Variants in FLYWCH1 observed in about 807,000 individuals in gnomAD.
The protein encoded by FLYWCH1 is FLYWCH-type zinc finger-containing protein 1.
FLYWCH1 carries 75 observed loss-of-function variants against 66.4 expected under a neutral mutation model. The ratio of observed to expected loss-of-function variants is 1.13; its 90% CI spans 0.94 to 1.37. The LOEUF (loss-of-function observed/expected upper bound fraction) is 1.37, where lower values mean the gene tolerates loss of function less well. FLYWCH1 is among the 40% of genes most tolerant of loss of function. The pLI is 0.00. For missense variants in FLYWCH1, 1,334 were observed against 1,001.8 expected, an observed-to-expected ratio of 1.33 and a Z score of -4.48; for synonymous variants, 595 against 429.9, an observed-to-expected ratio of 1.38 and a Z score of -4.75.
chr16:2,929,571 C>G (rs2070687512), intron 2 of FLYWCH1, 42 bp from the exon 3 acceptor site: 2 of 1,353,014 alleles, frequency 1.5e-6, no homozygotes, highest in South Asian at 2.9e-5. Flanking sequence ...TAGAGTCCCC[C>G]AAGGGCTTCC....
intron 2 of FLYWCH1, among the ~76,000 whole-genome samples, chr16:2,923,533 A>T (rs2070452302): frequency 6.6e-6 from 1 of 152,068 alleles, no homozygotes; most frequent in South Asian, 2.1e-4. Context: ...GGCGTGAGCC[A>T]CAGCGCCCGG....
Position 2,927,038 on chromosome 16 carries a change from A to G in FLYWCH1, c.-73-2575A>G, listed in dbSNP as rs536694241. ...AAACCCAACCGCCATTAGCTTATCA[A>G]TACTGGCTGCCAGCCGAGCTTCAGT... On this transcript the variant is annotated intron_variant, in intron 2 of 9. Coordinates refer to ENST00000253928, the MANE Select transcript of FLYWCH1 (RefSeq NM_001308068.2). 2.0e-4 allele frequency among the ~76,000 whole-genome samples: 30 copies of G among 152,354 alleles called. No individual in the cohort carries two copies. In the East Asian group the frequency reaches 4.6e-3, roughly 23 times the overall value.
chr16:2,936,252 T>A, intron 6 of FLYWCH1: 1 of 377,370 alleles, frequency 2.6e-6, no homozygotes, highest in South Asian at 1.9e-5. Context: ...GGATAAAGCG[T>A]GCCCCATGGT....
chr16:2,932,270 CAAAAA>C lies in FLYWCH1; in HGVS notation c.797-838_797-834del, dbSNP rs71158125. 2.9e-4 allele frequency among the ~76,000 whole-genome samples: 16 copies of C among 55,300 alleles called. No homozygotes were observed. The South Asian group carries it at 3.7e-3, about 13-fold the overall frequency. 36.3% of individuals were successfully genotyped at this position (55,300 alleles called of 152,430 possible). Reference sequence around the variant, plus strand: ...TGGGCGACGTGGCAGGACCCTGTCTCAAAAAAAAAAAAAAAAAAAAAAAAAAGATG... The same window carrying C: ...TGGGCGACGTGGCAGGACCCTGTCTCAAAAAAAAAAAAAAAAAAAAAGATG... On this transcript the variant is annotated intron_variant, in intron 4 of 9. Coordinates refer to ENST00000253928, the MANE Select transcript of FLYWCH1 (RefSeq NM_001308068.2).
At position 2,927,337 on chromosome 16, in the gene FLYWCH1, G is replaced by T. The variant is rs118172550; in HGVS notation, c.-73-2276G>T. On this transcript the variant is annotated intron_variant, in intron 2 of 9. Transcript: ENST00000253928. Reference sequence around the variant, plus strand: ...GTAATTTTACAATCGGTACCGGCCGGGGAAGGGGCTCCAGCAGGAGCACCT... The same window carrying T: ...GTAATTTTACAATCGGTACCGGCCGTGGAAGGGGCTCCAGCAGGAGCACCT... Among the ~76,000 whole-genome samples, 996 of 152,296 alleles carry T rather than the reference G, an allele frequency of 6.5e-3. 7 individuals carry two copies. The highest frequency in any genetic ancestry group is 0.011 in the Admixed American group (163 of 15,300).
chr16:2,925,273 G>A (rs1398598735), intron 2 of FLYWCH1, among the ~76,000 whole-genome samples: 1 of 152,192 alleles, frequency 6.6e-6, no homozygotes, highest in African/African-American at 2.4e-5. Context: ...CGGGGGCCTC[G>A]CGGGACCTGG....
chr16:2,925,505 G>C (rs1015027762), intron 2 of FLYWCH1, among the ~76,000 whole-genome samples: 6 of 151,340 alleles, frequency 4.0e-5, no homozygotes, highest in African/African-American at 7.3e-5. Flanking sequence ...CGAGGGAGCG[G>C]GAGGGGCGGG....
At chr16:2,920,903 G>A (rs1207266123) in intron 2 of FLYWCH1, among the ~76,000 whole-genome samples, 59 of 139,046 alleles carry the variant, frequency 4.2e-4, no homozygotes, top group Admixed American at 7.1e-4. Context: ...GTGCAGTGGC[G>A]CGATCTCAGC....
chr16:2,942,856 C>T (rs1596399703), intron 9 of FLYWCH1, among the ~76,000 whole-genome samples: 2 of 151,672 alleles, frequency 1.3e-5, no homozygotes, highest in African/African-American at 2.4e-5. Flanking sequence ...TGCGCACCAC[C>T]ACGCTCAGCT....
chr16:2,915,014 TA>T (rs557037542), intron 2 of FLYWCH1, among the ~76,000 whole-genome samples: 1,478 of 141,790 alleles, frequency 0.01, 8 homozygotes, highest in Non-Finnish European at 0.014. Flanking sequence ...GTATCTACTG[TA>T]AAAAAAAAAA....
Position 2,938,245 on chromosome 16 carries a change from G to A in FLYWCH1, c.1839G>A (p.Glu613=). 1 of 1,613,324 alleles carries A rather than the reference G, an allele frequency of 6.2e-7. No individual in the cohort carries two copies. The highest frequency in any genetic ancestry group is 8.5e-7 in the Non-Finnish European group (1 of 1,179,634). ...TGGGGGGCAGGTTCCTGGTGCACGAGTCCTTCCTCTACAGGAAGGAGAAGG... is the reference window on the plus strand; with the variant it reads ...TGGGGGGCAGGTTCCTGGTGCACGAATCCTTCCTCTACAGGAAGGAGAAGG... ...TSLGGRFLVH[E]SFLYRKEKAA... is the part of the protein sequence containing the mutation. The change falls in exon 8 of 10, where the codon GAG becomes GAA. Residue 613 remains glutamate (E), a synonymous_variant. Coordinates refer to ENST00000253928, the MANE Select transcript of FLYWCH1 (RefSeq NM_001308068.2).
Position 2,936,694 on chromosome 16 carries a change from C to T in FLYWCH1, c.1514-427C>T, listed in dbSNP as rs139542814. On this transcript the variant is annotated intron_variant, in intron 6 of 9. Coordinates refer to ENST00000253928, the MANE Select transcript of FLYWCH1 (RefSeq NM_001308068.2). Reference sequence around the variant, plus strand: ...TCAGAGTCCTGGGGTCACACCTCTACCTGCGCGGCTCTCGGGGGCCACCCC... The same window carrying T: ...TCAGAGTCCTGGGGTCACACCTCTATCTGCGCGGCTCTCGGGGGCCACCCC... The T allele has an allele frequency of 3.2e-3, 1,479 of 464,810 alleles. 12 individuals are homozygous for T. The highest frequency in any genetic ancestry group is 0.011 in the Middle Eastern group (34 of 3,120). The allele number at this position is 464,810 out of a possible 1,614,324, so 28.8% of individuals were successfully genotyped here.
intron 4 of FLYWCH1, among the ~76,000 whole-genome samples, chr16:2,932,257 C>T (rs1009799298): frequency 8.2e-6 from 1 of 122,606 alleles, no homozygotes; most frequent in African/African-American, 3.3e-5. Context: ...GGCGACGTGG[C>T]AGGACCCTGT....
chr16:2,925,095 G>A (rs2070511589), intron 2 of FLYWCH1, among the ~76,000 whole-genome samples: 1 of 152,206 alleles, frequency 6.6e-6, no homozygotes, highest in African/African-American at 2.4e-5. Context: ...ACCAGCTGGC[G>A]GGGTGAACAG....
chr16:2,932,995 T>C (rs1489186907), intron 4 of FLYWCH1, 135 bp from the exon 5 acceptor site: 2 of 756,058 alleles, frequency 2.6e-6, no homozygotes, highest in Non-Finnish European at 2.1e-6. Context: ...CTCTGACATA[T>C]CTGGCTCAGG....
intron 2 of FLYWCH1, among the ~76,000 whole-genome samples, chr16:2,916,246 G>A (rs1433274900): frequency 6.6e-6 from 1 of 152,170 alleles, no homozygotes; most frequent in African/African-American, 2.4e-5. Context: ...TCAGGAAGCT[G>A]AGTCAGGATA....
intron 2 of FLYWCH1, among the ~76,000 whole-genome samples, chr16:2,927,877 G>A (rs539110514): frequency 2.0e-4 from 30 of 152,332 alleles, no homozygotes; most frequent in East Asian, 3.9e-4. Context: ...GCGAGGACCC[G>A]CACTGGCGCT....
chr16:2,930,618 G>T lies in FLYWCH1; in HGVS notation c.534G>T (p.Glu178Asp). The T allele has an allele frequency of 6.4e-7, 1 of 1,550,970 alleles. No homozygotes were observed. Among genetic ancestry groups the T allele is most frequent in the Non-Finnish European group, 8.7e-7 (1 of 1,148,270 alleles). Reference sequence around the variant, plus strand: ...GGGGCCACTGCCACGCGCCCGATGAGCAAGGCCTGGAGGCCCGGCGCCAGA... The same window carrying T: ...GGGGCCACTGCCACGCGCCCGATGATCAAGGCCTGGAGGCCCGGCGCCAGA... ...VMRGHCHAPDEQGLEARRQRE... is the reference protein window; with the variant it reads ...VMRGHCHAPDDQGLEARRQRE... Residue 178 changes from glutamate (E) to aspartate (D), a missense_variant, in exon 4 of 10, where the codon GAG (glutamate) becomes GAT (aspartate). By Grantham distance (45) the Glu-to-Asp change is conservative (BLOSUM62 2). Transcript: ENST00000253928.
At position 2,930,899 on chromosome 16, in the gene FLYWCH1, C is replaced by G. The variant is rs764452640; in HGVS notation, c.796+19C>G. ...GGGCTGGGTGAGTACAATCCACTCC[C>G]CTGCTGCGTCCACTCGGGGCAGGGG... On this transcript the variant is annotated intron_variant, in intron 4 of 9. Coordinates refer to ENST00000253928, the MANE Select transcript of FLYWCH1 (RefSeq NM_001308068.2). 1.3e-6 allele frequency: 2 copies of G among 1,555,582 alleles called. No individual in the cohort carries two copies. The highest frequency in any genetic ancestry group is 1.7e-6 in the Non-Finnish European group (2 of 1,155,106).
Sources: allele counts gnomAD v4.1 joint callset (sites outside exome capture counted in the v4.1 genomes callset), GRCh38; gene constraint gnomAD v4.1.1; transcripts MANE v1.5; gene names NCBI Gene and HGNC (gene_info 2026-07-23, HGNC 2026-07-21).